The following ETV5 variants were observed in gnomAD, a reference collection of about 807,000 sequenced individuals.
ETV5 encodes the protein ETS variant transcription factor 5.
ETV5 carries 10 observed loss-of-function variants against 70.0 expected under a neutral mutation model. The observed-to-expected ratio is 0.14, with a 90% CI of 0.09 to 0.24. The LOEUF (loss-of-function observed/expected upper bound fraction) is 0.24, where lower values mean the gene tolerates loss of function less well. Ranked by LOEUF, ETV5 falls within the 10% of genes least tolerant of loss-of-function variation. The pLI, the probability that ETV5 is intolerant of heterozygous loss-of-function variation, is 1.00. For missense variants in ETV5, 453 were observed against 651.2 expected (o/e 0.70, Z 3.31); for synonymous variants, 216 against 242.2 (o/e 0.89, Z 1.01).
At position 186,082,035 on chromosome 3, in the gene ETV5, G is replaced by A. The variant is rs1006829206; in HGVS notation, c.233-860C>T. Reference sequence around the variant, plus strand: ...AGTAACAAGAATTTTTCAAATCAAGGTGATTTACATGTAGTGGCCAAAATA... The same window carrying A: ...AGTAACAAGAATTTTTCAAATCAAGATGATTTACATGTAGTGGCCAAAATA... On this transcript the variant is annotated intron_variant, in intron 5 of 12. Coordinates refer to ENST00000306376, the MANE Select transcript of ETV5 (RefSeq NM_004454.3). Among the ~76,000 whole-genome samples the A allele has an allele frequency of 1.9e-4, 29 of 152,346 alleles. 1 individual carries two copies. Among genetic ancestry groups the A allele is most frequent in the Admixed American group, 1.2e-3 (18 of 15,302 alleles).
At chr3:186,107,987 A>T (rs1216590212) in intron 1 of ETV5, among the ~76,000 whole-genome samples, 1 of 149,998 alleles carries the variant, frequency 6.7e-6, no homozygotes, top group Non-Finnish European at 1.5e-5. Context: ...TCAATGCTTC[A>T]TTCACAAAAA....
rs1297506190 is a variant in ETV5, at chr3:186,054,990, C to G, written c.1209+2085G>C. Among the ~76,000 whole-genome samples, 1 of 152,206 alleles carries G rather than the reference C, an allele frequency of 6.6e-6. No individual in the cohort carries two copies. The highest frequency in any genetic ancestry group is 1.9e-4 in the East Asian group (1 of 5,198). Reference sequence around the variant, plus strand: ...GCTGCCCGGTCAACCGAGGGAGGCTCAAGGACACCACAGGCTTCTCATATG... The same window carrying G: ...GCTGCCCGGTCAACCGAGGGAGGCTGAAGGACACCACAGGCTTCTCATATG... On this transcript the variant is annotated intron_variant, in intron 11 of 12. Coordinates refer to ENST00000306376, the MANE Select transcript of ETV5 (RefSeq NM_004454.3). The surrounding 1 kb of genome is among the most constrained non-coding windows in gnomAD (Gnocchi z 4.4).
At chr3:186,070,386 G>C (rs1359846963) in intron 7 of ETV5, among the ~76,000 whole-genome samples, 1 of 152,202 alleles carries the variant, frequency 6.6e-6, no homozygotes, top group Non-Finnish European at 1.5e-5. Context: ...CTCTAGAGTT[G>C]GCCTGGTATG....
intron 9 of ETV5, among the ~76,000 whole-genome samples, chr3:186,061,188 GAC>G (rs1471189722): frequency 6.6e-6 from 1 of 152,170 alleles, no homozygotes; most frequent in Non-Finnish European, 1.5e-5. Flanking sequence ...CATTTAAAAT[GAC>G]AGAGACCAGT....
chr3:186,093,018 TA>T (rs1560054855), intron 5 of ETV5, among the ~76,000 whole-genome samples: 1 of 152,194 alleles, frequency 6.6e-6, no homozygotes, highest in East Asian at 1.9e-4. Flanking sequence ...AGTGTTTGTA[TA>T]AGACCAGTGT....
chr3:186,100,792 A>G (rs549316491), intron 5 of ETV5, among the ~76,000 whole-genome samples: 2 of 152,368 alleles, frequency 1.3e-5, no homozygotes, highest in South Asian at 2.1e-4. Context: ...TGACTTTGAA[A>G]TAAGATTTTT....
In ETV5 at chr3:186,104,917, T is replaced by C. The variant is rs150947071; in HGVS notation, c.232+388A>G. 1.4e-3 allele frequency: 225 copies of C among 156,514 alleles called. 4 individuals carry two copies. In the East Asian group the frequency reaches 0.039, roughly 27 times the overall value. The allele number at this position is 156,514 out of a possible 1,614,324, so 9.7% of individuals were successfully genotyped here. A position where few individuals can be genotyped will look rare whatever the true frequency, so the allele number is the denominator to read the frequency against. On this transcript the variant is annotated intron_variant, in intron 5 of 12. Coordinates refer to ENST00000306376, the MANE Select transcript of ETV5 (RefSeq NM_004454.3). ...CCACCACACCTGGCTAATTTTTGTA[T>C]TTTTAGTAGAGACGGGGTTTCACCA...
At chr3:186,074,859 CAAAA>C (rs747453303) in intron 7 of ETV5, among the ~76,000 whole-genome samples, 3 of 76,468 alleles carry the variant, frequency 3.9e-5, no homozygotes, top group Non-Finnish European at 5.6e-5. Context: ...ACTCTGTCTC[CAAAA>C]AAAAAAAAAA....
At chr3:186,102,636 CAAAAA>C (rs35154225) in intron 5 of ETV5, among the ~76,000 whole-genome samples, 8 of 91,832 alleles carry the variant, frequency 8.7e-5, no homozygotes, top group Admixed American at 1.2e-4. Context: ...ACTCTCTCTC[CAAAAA>C]AAAAAAAAAA....
At position 186,052,466 on chromosome 3, in the gene ETV5, C is replaced by A. The variant is rs1253018153; in HGVS notation, c.1210-335G>T. ...ATACCCATAGACCATTAACGTGTTG[C>A]CATTAAGTGCTATGGTTTCTGTAGC... is the stretch of plus-strand genomic sequence containing the variant. On this transcript the variant is annotated intron_variant, in intron 11 of 12. Coordinates refer to ENST00000306376, the MANE Select transcript of ETV5 (RefSeq NM_004454.3). This position sits in a 1 kb window ranked among gnomAD's most constrained non-coding sequence, Gnocchi z 4.5. Among the ~76,000 whole-genome samples the A allele has an allele frequency of 1.3e-5, 2 of 152,172 alleles. No individual in the cohort carries two copies. The highest frequency in any genetic ancestry group is 2.9e-5 in the Non-Finnish European group (2 of 68,042).
At chr3:186,077,236 A>G (rs912560305) in intron 7 of ETV5, among the ~76,000 whole-genome samples, 4 of 152,232 alleles carry the variant, frequency 2.6e-5, no homozygotes, top group African/African-American at 9.6e-5. Context: ...TTCGTTTTGA[A>G]GTAATAGTCC....
In ETV5 at chr3:186,052,254, C is replaced by G; in HGVS notation, c.1210-123G>C. 2.4e-6 allele frequency: 2 copies of G among 832,244 alleles called. No homozygotes were observed. Among genetic ancestry groups the G allele is most frequent in the Non-Finnish European group, 3.9e-6 (2 of 516,436 alleles). The allele number at this position is 832,244 out of a possible 1,614,324, so 51.6% of individuals were successfully genotyped here. On this transcript the variant is annotated intron_variant, in intron 11 of 12. Transcript: ENST00000306376. The surrounding 1 kb of genome is among the most constrained non-coding windows in gnomAD (Gnocchi z 4.5). ...TTGGTCAATGATCTGCTACTCTGAC[C>G]TGGAAGGGAAGGCATTTAACTCCCT...
intron 12 of ETV5, among the ~76,000 whole-genome samples, chr3:186,051,787 A>C (rs1713039588): frequency 6.6e-6 from 1 of 152,162 alleles, no homozygotes; most frequent in Admixed American, 6.5e-5. Flanking sequence ...AGAGAAGCCT[A>C]ATTTTCTATT....
intron 9 of ETV5, 58 bp downstream of exon 9, chr3:186,064,359 A>G (rs1713383631): frequency 1.3e-5 from 20 of 1,510,780 alleles, no homozygotes; most frequent in Non-Finnish European, 1.8e-5. Flanking sequence ...GCCGAGAGAA[A>G]GAAAGGAAGA....
At chr3:186,051,020 G>A (rs1297704010) in intron 12 of ETV5, among the ~76,000 whole-genome samples, 6 of 152,218 alleles carry the variant, frequency 3.9e-5, no homozygotes, top group Admixed American at 3.9e-4. Context: ...TTAAAAGGTG[G>A]CTATGCTAGT....
chr3:186,066,261 G>GGAAAAAAAAAAA (rs1713440500), intron 7 of ETV5, among the ~76,000 whole-genome samples, 189 bp from the exon 8 acceptor site: 1 of 4,556 alleles, frequency 2.2e-4, no homozygotes, highest in African/African-American at 5.9e-4. Flanking sequence ...TCAGGAAGTG[G>GGAAAAAAAAAAA]CAAAAAAAAA....
chr3:186,098,614 A>C (rs1714371411), intron 5 of ETV5, among the ~76,000 whole-genome samples: 1 of 152,160 alleles, frequency 6.6e-6, no homozygotes. Context: ...ATCTACGCCG[A>C]GACTTTGCAA....
Position 186,065,982 on chromosome 3 carries a change from C to A in ETV5, c.741G>T (p.Met247Ile). The change falls in exon 8 of 13, where the codon ATG becomes ATT. Residue 247 changes from methionine (M) to isoleucine (I), a missense_variant. Physicochemically the swap from Met to Ile is conservative, Grantham distance 10. This residue lies in a region of ETV5 where 307 missense variants were observed against 344.9 expected (regional missense o/e 0.89). Coordinates refer to ENST00000306376, the MANE Select transcript of ETV5 (RefSeq NM_004454.3). The stretch of plus-strand genomic sequence containing the variant: ...GAGCTGCAGGGACAATAGGTTCTGA[C>A]ATTTGCCGATGGTAACTGGGGCGAT... ...GDNRPSYHRQ[M>I]SEPIVPAAPP... The A allele has an allele frequency of 6.2e-7, 1 of 1,610,918 alleles. No individual in the cohort carries two copies. Among genetic ancestry groups the A allele is most frequent in the Non-Finnish European group, 8.5e-7 (1 of 1,178,532 alleles).
chr3:186,091,510 C>T (rs373955335), intron 5 of ETV5, among the ~76,000 whole-genome samples: 1 of 152,034 alleles, frequency 6.6e-6, no homozygotes, highest in Non-Finnish European at 1.5e-5. Flanking sequence ...ATCTTCTGTA[C>T]AATAAATAAC....
Sources: gnomAD v4.1 joint callset for allele counts (sites outside exome capture counted in the v4.1 genomes callset) on GRCh38, gnomAD v4.1.1 for gene constraint, gnomAD v4.1.1 regional missense constraint, Gnocchi (gnomAD v3.1) non-coding constraint, MANE v1.5 for transcripts, NCBI Gene and HGNC (gene_info 2026-07-23, HGNC 2026-07-21) for gene names.